UNC13C: variants seen among roughly 807,000 people sequenced by gnomAD.
UNC13C encodes unc-13 homolog C, also known as protein unc-13 homolog C.
UNC13C carries 174 observed loss-of-function variants against 245.4 expected under a neutral mutation model. The observed-to-expected ratio is 0.71, with a 90% CI of 0.63 to 0.80. UNC13C has a LOEUF of 0.80. UNC13C is among the 30% of genes least tolerant of loss of function. The pLI is 0.00. For missense variants in UNC13C, 2,829 were observed against 2,602.9 expected, an observed-to-expected ratio of 1.09 and a Z score of -1.89; for synonymous variants, 992 against 895.1, an observed-to-expected ratio of 1.11 and a Z score of -1.93.
At chr15:54,522,600 C>G (rs1439661055) in intron 24 of UNC13C, among the ~76,000 whole-genome samples, 1 of 152,208 alleles carries the variant, frequency 6.6e-6, no homozygotes, top group Non-Finnish European at 1.5e-5. Flanking sequence ...TGGTGTAAAA[C>G]TCAGTTAATA....
intron 30 of UNC13C, among the ~76,000 whole-genome samples, chr15:54,569,358 T>C (rs2141219300): frequency 6.6e-6 from 1 of 152,250 alleles, no homozygotes; most frequent in Non-Finnish European, 1.5e-5. Context: ...CATATGCACA[T>C]CCTCCCATAT....
At chr15:53,889,356 C>G in the UNC13C span, among the ~76,000 whole-genome samples, 349 of 152,208 alleles carry the variant, frequency 2.3e-3, 2 homozygotes, top group African/African-American at 7.9e-3. Flanking sequence ...CTCTGTTTGA[C>G]TGTTATTGGT....
At chr15:54,344,087 G>A (rs2038801819) in intron 17 of UNC13C, among the ~76,000 whole-genome samples, 1 of 152,152 alleles carries the variant, frequency 6.6e-6, no homozygotes, top group South Asian at 2.1e-4. Context: ...AACTAACATG[G>A]AAGTTCGAAA....
intron 2 of UNC13C, among the ~76,000 whole-genome samples, chr15:54,119,778 A>T (rs1401913586): frequency 6.6e-6 from 1 of 152,208 alleles, no homozygotes. Flanking sequence ...CAAATGATAA[A>T]AAAGCAAAAC....
intron 15 of UNC13C, 81 bp from the exon 16 acceptor site, chr15:54,333,686 A>G: frequency 2.4e-6 from 2 of 830,018 alleles, no homozygotes; most frequent in Non-Finnish European, 4.0e-6. Context: ...ATTTTCTTTC[A>G]TGAGAAGCTA....
chr15:54,462,074 C>T (rs1008183820), intron 19 of UNC13C, among the ~76,000 whole-genome samples: 1 of 152,004 alleles, frequency 6.6e-6, no homozygotes, highest in Non-Finnish European at 1.5e-5. Context: ...GGGATACAAG[C>T]ACAAAATAGA....
chr15:54,410,481 C>T (rs939217946), intron 18 of UNC13C, among the ~76,000 whole-genome samples: 2 of 151,876 alleles, frequency 1.3e-5, no homozygotes, highest in Non-Finnish European at 2.9e-5. Context: ...AGGTGTTCTT[C>T]TGGGTTCTTA....
At position 54,628,371 on chromosome 15, in the gene UNC13C, C is replaced by CTGTT. The variant is rs1369055606; in HGVS notation, c.*1259_*1262dup. ...TACTTACAGAAGCAGAAACAAGAGC[C>CTGTT]TGTTATGATTGTGCTTTGTGAACAA... On this transcript the variant is annotated 3_prime_UTR_variant, in exon 33 of 33. Coordinates refer to ENST00000260323, the MANE Select transcript of UNC13C (RefSeq NM_001080534.3). 5 of 152,240 alleles carry CTGTT rather than the reference C, an allele frequency of 3.3e-5. No homozygotes were observed. Among genetic ancestry groups the CTGTT allele is most frequent in the African/African-American group, 1.2e-4 (5 of 41,406 alleles). 9.4% of individuals were successfully genotyped at this position (152,240 alleles called of 1,614,324 possible).
At chr15:54,210,327 A>G (rs1404234531) in intron 4 of UNC13C, among the ~76,000 whole-genome samples, 1 of 151,312 alleles carries the variant, frequency 6.6e-6, no homozygotes, top group South Asian at 2.1e-4. Context: ...TCTCTAAATC[A>G]GTTACTTTGT....
the UNC13C span, among the ~76,000 whole-genome samples, chr15:53,892,454 A>G: frequency 6.6e-6 from 1 of 152,164 alleles, no homozygotes; most frequent in Non-Finnish European, 1.5e-5. Flanking sequence ...CTCCTGGATA[A>G]TATCCTGAAG....
intron 2 of UNC13C, among the ~76,000 whole-genome samples, chr15:54,035,578 C>A (rs1400576348): frequency 6.6e-6 from 1 of 152,092 alleles, no homozygotes; most frequent in African/African-American, 2.4e-5. Context: ...AAACCTAGAG[C>A]CCATTCTTAG....
chr15:54,054,428 T>C (rs1246190342), intron 2 of UNC13C, among the ~76,000 whole-genome samples: 2 of 152,182 alleles, frequency 1.3e-5, no homozygotes, highest in Non-Finnish European at 2.9e-5. Context: ...CCTCGTTAAA[T>C]TGTCACAGGA....
At chr15:54,303,115 C>T (rs947579707) in intron 13 of UNC13C, among the ~76,000 whole-genome samples, 30 of 152,070 alleles carry the variant, frequency 2.0e-4, no homozygotes, top group African/African-American at 7.0e-4. Context: ...TTATTGGATC[C>T]CTGACTAATG....
chr15:54,560,445 T>G (rs1163262893), intron 29 of UNC13C, among the ~76,000 whole-genome samples: 1 of 151,956 alleles, frequency 6.6e-6, no homozygotes, highest in South Asian at 2.1e-4. Flanking sequence ...GTACTATTTT[T>G]TTTTTGCCTC....
At chr15:54,339,453 G>T (rs1284436548) in intron 17 of UNC13C, among the ~76,000 whole-genome samples, 1 of 152,002 alleles carries the variant, frequency 6.6e-6, no homozygotes, top group African/African-American at 2.4e-5. Context: ...AAAGTCCATT[G>T]TATCATTCTT....
intron 1 of UNC13C, among the ~76,000 whole-genome samples, chr15:53,980,288 C>A (rs1157745243): frequency 1.3e-5 from 2 of 152,102 alleles, no homozygotes; most frequent in Non-Finnish European, 2.9e-5. Context: ...ATAACAACAA[C>A]AATGTCAAAA....
intron 30 of UNC13C, among the ~76,000 whole-genome samples, chr15:54,591,023 T>C (rs190030530): frequency 6.6e-6 from 1 of 152,338 alleles, no homozygotes; most frequent in East Asian, 1.9e-4. Context: ...TTTTGTTGAA[T>C]GCTTTTTCTG....
rs74370270 is a variant in UNC13C, at chr15:54,305,120, A to G, written c.4268+4747A>G. ...CTGCTTCATAAGAAGTTCTTGATACATGATAGAAAGTCAGTACATATTTGC... is the reference window on the plus strand; with the variant it reads ...CTGCTTCATAAGAAGTTCTTGATACGTGATAGAAAGTCAGTACATATTTGC... On this transcript the variant is annotated intron_variant, in intron 13 of 32. Transcript: ENST00000260323. Among the ~76,000 whole-genome samples, 1,195 of 152,226 alleles carry G rather than the reference A, an allele frequency of 7.9e-3. 14 individuals carry two copies. The highest frequency in any genetic ancestry group is 0.028 in the African/African-American group (1,144 of 41,568).
intron 19 of UNC13C, among the ~76,000 whole-genome samples, chr15:54,432,000 A>T (rs895669826): frequency 7.3e-5 from 11 of 151,668 alleles, no homozygotes; most frequent in African/African-American, 2.7e-4. Context: ...AAACATGTAC[A>T]TCTATTATGT....
Sources: allele counts gnomAD v4.1 joint callset (sites outside exome capture counted in the v4.1 genomes callset), GRCh38; gene constraint gnomAD v4.1.1; transcripts MANE v1.5; gene names NCBI Gene and HGNC (gene_info 2026-07-23, HGNC 2026-07-21).